ARHGAP26: variants seen among roughly 807,000 people sequenced by gnomAD.
ARHGAP26 encodes Rho GTPase activating protein 26, also known as rho GTPase-activating protein 26.
ARHGAP26 carries 38 observed loss-of-function variants against 104.8 expected under a neutral mutation model. That is an observed-to-expected ratio of 0.36 (90% CI 0.28 to 0.48). The LOEUF (loss-of-function observed/expected upper bound fraction) is 0.48, where lower values mean the gene tolerates loss of function less well. ARHGAP26 is among the 20% of genes least tolerant of loss of function. ARHGAP26 has a pLI of 0.99. For missense variants in ARHGAP26, 704 were observed against 947.9 expected (o/e 0.74, Z 3.38); for synonymous variants, 341 against 340.0 (o/e 1.00, Z -0.03).
chr5:142,979,953 C>T (rs1773678628), intron 11 of ARHGAP26, among the ~76,000 whole-genome samples: 1 of 152,228 alleles, frequency 6.6e-6, no homozygotes, highest in Non-Finnish European at 1.5e-5. Context: ...CTTGTTGTCA[C>T]TTTCAAGCCA....
intron 8 of ARHGAP26, among the ~76,000 whole-genome samples, chr5:142,906,061 A>G (rs926083366): frequency 1.3e-5 from 2 of 152,126 alleles, no homozygotes; most frequent in East Asian, 1.9e-4. Context: ...TCCTTTATAC[A>G]GTTTTCTTCA....
intron 20 of ARHGAP26, among the ~76,000 whole-genome samples, chr5:143,159,976 A>G (rs900442326): frequency 2.6e-5 from 4 of 152,030 alleles, no homozygotes; most frequent in African/African-American, 9.7e-5. Context: ...TCAAAAACTC[A>G]GAAATACATT....
chr5:142,905,571 C>T (rs904770300), intron 8 of ARHGAP26, among the ~76,000 whole-genome samples: 9 of 152,080 alleles, frequency 5.9e-5, no homozygotes, highest in Non-Finnish European at 1.0e-4. Context: ...TGAGTATTCA[C>T]GTGAGTACAA....
At chr5:143,218,803 A>G (rs2151425344) in intron 22 of ARHGAP26, among the ~76,000 whole-genome samples, 1 of 152,344 alleles carries the variant, frequency 6.6e-6, no homozygotes, top group Non-Finnish European at 1.5e-5. Context: ...AGCATCTTTG[A>G]TGTTCAGAGC....
At chr5:143,181,491 T>G (rs1183959252) in intron 20 of ARHGAP26, among the ~76,000 whole-genome samples, 1 of 152,228 alleles carries the variant, frequency 6.6e-6, no homozygotes, top group African/African-American at 2.4e-5. Context: ...CTCTCGCGTG[T>G]TAGGGAAGCA....
chr5:143,208,095 C>A (rs1808869098), intron 21 of ARHGAP26, among the ~76,000 whole-genome samples: 1 of 152,198 alleles, frequency 6.6e-6, no homozygotes, highest in South Asian at 2.1e-4. Flanking sequence ...GGGAGAGCAG[C>A]TTGACCTAGT....
chr5:143,069,871 G>T (rs1322213344), intron 17 of ARHGAP26, among the ~76,000 whole-genome samples: 2 of 152,172 alleles, frequency 1.3e-5, no homozygotes, highest in Non-Finnish European at 2.9e-5. Flanking sequence ...ACAGCATTCA[G>T]ATATTTTCCT....
chr5:143,012,576 T>TATATACATATATA, intron 11 of ARHGAP26, among the ~76,000 whole-genome samples: 1 of 57,032 alleles, frequency 1.8e-5, no homozygotes, highest in Admixed American at 2.1e-4. Context: ...TATATATATA[T>TATATACATATATA]TATGATCAGG....
chr5:143,181,260 A>ACC (rs1804309855), intron 20 of ARHGAP26, among the ~76,000 whole-genome samples: 1 of 152,152 alleles, frequency 6.6e-6, no homozygotes, highest in African/African-American at 2.4e-5. Flanking sequence ...CCTTTTATTA[A>ACC]CTGGGAGGCC....
At chr5:143,018,122 G>A (rs10056505) in intron 12 of ARHGAP26, among the ~76,000 whole-genome samples, 14,605 of 152,224 alleles carry the variant, frequency 0.096, 1,318 homozygotes, top group African/African-American at 0.23. Context: ...TCATAGGCCT[G>A]TTAGTTTACT....
Position 143,223,267 on chromosome 5 carries a change from T to C in ARHGAP26, c.*821T>C, listed in dbSNP as rs6895485. On this transcript the variant is annotated 3_prime_UTR_variant, in exon 23 of 23. Coordinates refer to ENST00000645722, the MANE Select transcript of ARHGAP26 (RefSeq NM_001135608.3). The stretch of plus-strand genomic sequence containing the variant: ...TTGGTACACTTTTTTTGAATGGTTT[T>C]CTAACAACTTGAAGCACAGGATCAA... The C allele has an allele frequency of 0.024, 5,647 of 233,036 alleles. 295 individuals carry two copies. Among genetic ancestry groups the C allele is most frequent in the African/African-American group, 0.11 (5,199 of 45,388 alleles). 14.4% of individuals were successfully genotyped at this position (233,036 alleles called of 1,614,324 possible).
chr5:143,041,919 G>C, intron 14 of ARHGAP26, 29 bp downstream of exon 14: 2 of 1,562,528 alleles, frequency 1.3e-6, no homozygotes, highest in Middle Eastern at 1.7e-4. Flanking sequence ...CTGCTAGGCA[G>C]GTCCCTGGAT....
chr5:142,901,098 G>A lies in ARHGAP26; in HGVS notation c.598-837G>A, dbSNP rs575344531. On this transcript the variant is annotated intron_variant, in intron 6 of 22. Coordinates refer to ENST00000645722, the MANE Select transcript of ARHGAP26 (RefSeq NM_001135608.3). ...ACAGTGAGGTTTGGATGTAAGCTCCGAGAGGAAAGACCACAGGAATGCTGT... is the reference window on the plus strand; with the variant it reads ...ACAGTGAGGTTTGGATGTAAGCTCCAAGAGGAAAGACCACAGGAATGCTGT... Among the ~76,000 whole-genome samples, 14 of 152,338 alleles carry A rather than the reference G, an allele frequency of 9.2e-5. No homozygotes were observed. In the South Asian group the frequency reaches 1.4e-3, roughly 16 times the overall value.
intron 20 of ARHGAP26, among the ~76,000 whole-genome samples, chr5:143,149,769 A>G (rs73796900): frequency 0.01 from 1,566 of 152,308 alleles, 22 homozygotes; most frequent in African/African-American, 0.035. Flanking sequence ...AGATGAAAAT[A>G]AAGAACAAAG....
At chr5:143,147,448 G>A in intron 20 of ARHGAP26, 67 bp downstream of exon 20, 4 of 1,543,900 alleles carry the variant, frequency 2.6e-6, no homozygotes, top group East Asian at 2.3e-5. Context: ...AGAATTTGCT[G>A]TCTGGCTCCA....
chr5:142,817,700 T>G (rs1765410644), intron 1 of ARHGAP26, among the ~76,000 whole-genome samples: 2 of 152,168 alleles, frequency 1.3e-5, no homozygotes, highest in African/African-American at 2.4e-5. Context: ...TCAACTTCAG[T>G]GCTGGCCTCA....
Position 143,054,759 on chromosome 5 carries a change from A to G in ARHGAP26, c.1373+233A>G, listed in dbSNP as rs368426863. Among the ~76,000 whole-genome samples, 13 of 152,326 alleles carry G rather than the reference A, an allele frequency of 8.5e-5. No homozygotes were observed. In the East Asian group the frequency reaches 1.9e-3, roughly 23 times the overall value. On this transcript the variant is annotated intron_variant, in intron 15 of 22. Transcript: ENST00000645722. ...AGTGATTTAGGAAACTTTGTTCTAT[A>G]TGAGAAGTATTGTGATAATTAGCCA...
intron 5 of ARHGAP26, among the ~76,000 whole-genome samples, chr5:142,893,513 G>T (rs913686376): frequency 1.3e-5 from 2 of 152,062 alleles, no homozygotes; most frequent in Non-Finnish European, 2.9e-5. Context: ...GAACACTTAG[G>T]TTCACTTCAT....
At chr5:143,091,073 G>A (rs1244953374) in intron 17 of ARHGAP26, among the ~76,000 whole-genome samples, 1 of 152,226 alleles carries the variant, frequency 6.6e-6, no homozygotes, top group Non-Finnish European at 1.5e-5. Context: ...AAAGAAAAAA[G>A]AGTAATAGAA....
Sources: allele counts gnomAD v4.1 joint callset (sites outside exome capture counted in the v4.1 genomes callset), GRCh38; gene constraint gnomAD v4.1.1; transcripts MANE v1.5; gene names NCBI Gene and HGNC (gene_info 2026-07-23, HGNC 2026-07-21).